Variants in PPM1H observed in about 807,000 individuals in gnomAD.
The protein encoded by PPM1H is protein phosphatase 1H.
PPM1H carries 27 observed loss-of-function variants against 54.9 expected under a neutral mutation model. The ratio of observed to expected loss-of-function variants is 0.49; its 90% CI spans 0.36 to 0.68. The LOEUF is 0.68. Ranked by LOEUF, PPM1H falls within the 30% of genes least tolerant of loss-of-function variation. The probability of loss-of-function intolerance (pLI) is 0.00; values close to 1 mark genes in which losing one functional copy is unlikely to be tolerated. For synonymous variants in PPM1H, 305 were observed against 270.8 expected (o/e 1.13, Z -1.24); for missense variants, 596 against 667.8 (o/e 0.89, Z 1.19).
At chr12:62,735,380 T>C (rs993625996) in intron 5 of PPM1H, among the ~76,000 whole-genome samples, 1 of 151,610 alleles carries the variant, frequency 6.6e-6, no homozygotes, top group Non-Finnish European at 1.5e-5. Context: ...CCTGGCTAAT[T>C]TTTTTTTGGA....
At chr12:62,859,410 C>A (rs1415127257) in intron 1 of PPM1H, among the ~76,000 whole-genome samples, 2 of 152,128 alleles carry the variant, frequency 1.3e-5, no homozygotes, top group South Asian at 4.1e-4. Flanking sequence ...TCAAAATGAA[C>A]CCTGCAGTGA....
chr12:62,734,507 T>TA (rs141139562), intron 5 of PPM1H, among the ~76,000 whole-genome samples: 3,726 of 152,316 alleles, frequency 0.024, 140 homozygotes, highest in African/African-American at 0.084. Flanking sequence ...TACATACACT[T>TA]ACGTGAGATC....
chr12:62,664,027 A>G (rs1031240526), intron 9 of PPM1H, among the ~76,000 whole-genome samples: 1 of 151,850 alleles, frequency 6.6e-6, no homozygotes, highest in African/African-American at 2.4e-5. Flanking sequence ...GTGTACATTT[A>G]TGCGAAGAAT....
At chr12:62,745,265 T>C (rs370338373) in intron 4 of PPM1H, among the ~76,000 whole-genome samples, 3 of 152,348 alleles carry the variant, frequency 2.0e-5, no homozygotes, top group Admixed American at 6.5e-5. Context: ...CCTCACTATG[T>C]TGCCTAGGCT....
chr12:62,754,246 C>A (rs900093848), intron 4 of PPM1H, among the ~76,000 whole-genome samples: 34 of 152,074 alleles, frequency 2.2e-4, no homozygotes, highest in African/African-American at 8.2e-4. Flanking sequence ...GGATTCTGCA[C>A]TGTGAGAAGG....
At chr12:62,768,744 G>C (rs2076560602) in intron 4 of PPM1H, among the ~76,000 whole-genome samples, 1 of 152,104 alleles carries the variant, frequency 6.6e-6, no homozygotes, top group African/African-American at 2.4e-5. Flanking sequence ...AGAAGCCAAG[G>C]GGAAGGGAGC....
intron 3 of PPM1H, among the ~76,000 whole-genome samples, chr12:62,789,497 A>G (rs756210672): frequency 1.3e-5 from 2 of 152,214 alleles, no homozygotes; most frequent in African/African-American, 2.4e-5. Context: ...AATGACTTCA[A>G]ATGACTTATA....
chr12:62,794,606 C>A (rs2076721430), intron 3 of PPM1H, among the ~76,000 whole-genome samples: 1 of 152,100 alleles, frequency 6.6e-6, no homozygotes, highest in South Asian at 2.1e-4. Context: ...AGCTCAAATC[C>A]CATAGTTAAC....
intron 1 of PPM1H, among the ~76,000 whole-genome samples, chr12:62,916,623 A>ATT (rs1353015800): frequency 2.0e-5 from 3 of 147,572 alleles, no homozygotes; most frequent in Non-Finnish European, 4.5e-5. Flanking sequence ...CACCAAGAGT[A>ATT]TTTTTTTTTT....
intron 7 of PPM1H, among the ~76,000 whole-genome samples, chr12:62,691,610 G>T (rs949632387): frequency 3.3e-5 from 5 of 152,038 alleles, no homozygotes; most frequent in African/African-American, 1.2e-4. Context: ...GATCACTTGA[G>T]CCCAGGAGTT....
At position 62,908,422 on chromosome 12, in the gene PPM1H, A is replaced by AAAAG. The variant is rs71450598; in HGVS notation, c.245+26066_245+26069dup. On this transcript the variant is annotated intron_variant, in intron 1 of 9. Transcript: ENST00000228705. ...GACTCCGTCTCAAAAAAAAAAAAAA[A>AAAAG]AAAGAAAGAAAGAAAGAAATTGAGT... Among the ~76,000 whole-genome samples, 1,290 of 134,110 alleles carry AAAAG rather than the reference A, an allele frequency of 9.6e-3. 102 individuals carry two copies. Among genetic ancestry groups the AAAAG allele is most frequent in the Middle Eastern group, 0.028 (7 of 246 alleles). 88.0% of individuals were successfully genotyped at this position (134,110 alleles called of 152,430 possible). A position where few individuals can be genotyped will look rare whatever the true frequency, so the allele number is the denominator to read the frequency against.
At chr12:62,891,104 C>CA (rs71450596) in intron 1 of PPM1H, among the ~76,000 whole-genome samples, 35,458 of 75,736 alleles carry the variant, frequency 0.47, 7,480 homozygotes, top group East Asian at 0.61. Context: ...GCAAGACTCT[C>CA]AAAAAAAAAA....
intron 4 of PPM1H, among the ~76,000 whole-genome samples, chr12:62,751,457 C>T (rs1278077487): frequency 9.9e-5 from 15 of 152,198 alleles, no homozygotes; most frequent in Admixed American, 9.8e-4. Flanking sequence ...ATTCAGAGAA[C>T]AGTGGGTGAC....
chr12:62,673,258 C>T (rs994803598), intron 8 of PPM1H, among the ~76,000 whole-genome samples: 1 of 152,166 alleles, frequency 6.6e-6, no homozygotes, highest in Non-Finnish European at 1.5e-5. Flanking sequence ...TTAATGTCAA[C>T]ATTGGGCACT....
At chr12:62,783,943 A>G (rs533051683) in intron 4 of PPM1H, among the ~76,000 whole-genome samples, 10 of 152,240 alleles carry the variant, frequency 6.6e-5, no homozygotes, top group Non-Finnish European at 1.3e-4. Flanking sequence ...AGAATCAGTC[A>G]GAGCCCTAAG....
At chr12:62,926,730 G>A (rs906730151) in intron 1 of PPM1H, among the ~76,000 whole-genome samples, 2 of 152,132 alleles carry the variant, frequency 1.3e-5, no homozygotes, top group Non-Finnish European at 2.9e-5. Flanking sequence ...CGAGGTGGGC[G>A]GATCACCTGA....
At chr12:62,828,270 G>C (rs149589269) in intron 2 of PPM1H, among the ~76,000 whole-genome samples, 1 of 152,188 alleles carries the variant, frequency 6.6e-6, no homozygotes, top group East Asian at 1.9e-4. Flanking sequence ...TGTCCTTCCC[G>C]ACTGGCTCAC....
At chr12:62,810,287 C>T (rs569951341) in intron 2 of PPM1H, among the ~76,000 whole-genome samples, 1 of 152,244 alleles carries the variant, frequency 6.6e-6, no homozygotes, top group South Asian at 2.1e-4. Flanking sequence ...CTTTATTTAC[C>T]CAGGACTGTG....
intron 4 of PPM1H, among the ~76,000 whole-genome samples, chr12:62,766,875 A>G (rs899859585): frequency 5.3e-5 from 8 of 152,190 alleles, no homozygotes; most frequent in African/African-American, 1.9e-4. Flanking sequence ...AATCCTTCCT[A>G]TATACTGTTT....
Sources: gnomAD v4.1 joint callset for allele counts (sites outside exome capture counted in the v4.1 genomes callset) on GRCh38, gnomAD v4.1.1 for gene constraint, MANE v1.5 for transcripts, NCBI Gene and HGNC (gene_info 2026-07-23, HGNC 2026-07-21) for gene names.